The following KALRN variants were observed in gnomAD, a reference collection of about 807,000 sequenced individuals.
The protein encoded by KALRN is kalirin RhoGEF kinase.
A neutral mutation model predicts 353.7 loss-of-function variants in KALRN; 70 were observed. The ratio of observed to expected loss-of-function variants is 0.20; its 90% CI spans 0.16 to 0.24. The LOEUF is 0.24. Among genes scored for constraint, KALRN ranks in the 10% least tolerant of loss-of-function variants. KALRN has a pLI of 1.00. For missense variants in KALRN, 2,791 were observed against 3,756.7 expected (o/e 0.74, Z 6.72); for synonymous variants, 1,391 against 1,434.8 (o/e 0.97, Z 0.69).
At chr3:124,513,430 C>T (rs2066170757) in intron 33 of KALRN, among the ~76,000 whole-genome samples, 1 of 152,050 alleles carries the variant, frequency 6.6e-6, no homozygotes, top group Non-Finnish European at 1.5e-5. Flanking sequence ...GGACCCAGGT[C>T]AGGAGGACAC....
chr3:124,048,352 A>ATG (rs1265032433), intron 1 of KALRN, among the ~76,000 whole-genome samples: 1 of 152,240 alleles, frequency 6.6e-6, no homozygotes. Context: ...TGTTGCATAT[A>ATG]CATCTTTATA....
chr3:124,049,302 G>C (rs965008347), intron 1 of KALRN, among the ~76,000 whole-genome samples: 1 of 152,150 alleles, frequency 6.6e-6, no homozygotes, highest in African/African-American at 2.4e-5. Context: ...CTCCAAGGAT[G>C]TCATTCGGGA....
chr3:124,116,676 G>A (rs1425566348), intron 1 of KALRN, among the ~76,000 whole-genome samples: 1 of 152,092 alleles, frequency 6.6e-6, no homozygotes, highest in African/African-American at 2.4e-5. Context: ...AATATACTAT[G>A]TTTTTTCCCT....
chr3:124,549,197 G>A (rs2109501598), intron 33 of KALRN, among the ~76,000 whole-genome samples: 1 of 69,034 alleles, frequency 1.4e-5, no homozygotes, highest in South Asian at 4.1e-4. Flanking sequence ...CCATGATGTA[G>A]TCTATAAGCT....
chr3:124,129,203 C>T (rs535618985), intron 1 of KALRN, among the ~76,000 whole-genome samples: 2 of 152,226 alleles, frequency 1.3e-5, no homozygotes, highest in East Asian at 1.9e-4. Flanking sequence ...GAACGGTGCC[C>T]CAGCATCATG....
chr3:124,112,032 G>A (rs894157337), intron 1 of KALRN, among the ~76,000 whole-genome samples: 7 of 152,050 alleles, frequency 4.6e-5, no homozygotes, highest in Admixed American at 6.6e-5. Flanking sequence ...GGCCGGGCAC[G>A]GTGGCACATG....
At chr3:124,301,224 T>A (rs2077240092) in intron 6 of KALRN, among the ~76,000 whole-genome samples, 1 of 152,266 alleles carries the variant, frequency 6.6e-6, no homozygotes, top group Non-Finnish European at 1.5e-5. Context: ...TGCTCTTCTC[T>A]GCTAGTGTGG....
chr3:124,181,476 T>G (rs1263816947), intron 1 of KALRN, among the ~76,000 whole-genome samples: 1 of 152,088 alleles, frequency 6.6e-6, no homozygotes, highest in Non-Finnish European at 1.5e-5. Context: ...AGGTGAGGTT[T>G]TGGGGTGCTT....
intron 34 of KALRN, among the ~76,000 whole-genome samples, chr3:124,607,295 A>C (rs1286082812): frequency 8.2e-6 from 1 of 122,142 alleles, no homozygotes; most frequent in Non-Finnish European, 1.7e-5. Flanking sequence ...ATACAGAACC[A>C]TTCAACGACA....
chr3:124,360,106 G>A (rs1441162082), intron 10 of KALRN, among the ~76,000 whole-genome samples: 1 of 152,264 alleles, frequency 6.6e-6, no homozygotes, highest in Admixed American at 6.5e-5. Context: ...GGTGTTCAGC[G>A]ACCCAAGGTG....
At chr3:124,399,007 C>A in intron 13 of KALRN, 136 bp downstream of exon 13, 1 of 832,588 alleles carries the variant, frequency 1.2e-6, no homozygotes, top group Non-Finnish European at 1.8e-6. Flanking sequence ...AAGAAATTCC[C>A]AGTCCACCAT....
At chr3:124,293,855 TAGCTGGAAGGG>T (rs2076618363) in intron 5 of KALRN, among the ~76,000 whole-genome samples, 1 of 152,212 alleles carries the variant, frequency 6.6e-6, no homozygotes, top group Non-Finnish European at 1.5e-5. Context: ...TAAAATGTCC[TAGCTGGAAGGG>T]AGCTTAGAAA....
At position 124,240,602 on chromosome 3, in the gene KALRN, C is replaced by A. The variant is rs532102050; in HGVS notation, c.263+5659C>A. Among the ~76,000 whole-genome samples, 5 of 152,272 alleles carry A rather than the reference C, an allele frequency of 3.3e-5. No individual in the cohort carries two copies. In the South Asian group the frequency reaches 1.0e-3, roughly 32 times the overall value. ...GGGGAATTGGTACCTTGACCCCACT[C>A]TCTTCCCATTCTCTCATCTCCTGTC... On this transcript the variant is annotated intron_variant, in intron 3 of 59. Coordinates refer to ENST00000682506, the MANE Select transcript of KALRN (RefSeq NM_001388419.1).
At chr3:124,697,813 A>G in intron 55 of KALRN, 89 bp downstream of exon 55, 3 of 1,274,388 alleles carry the variant, frequency 2.4e-6, no homozygotes, top group Non-Finnish European at 3.1e-6. Flanking sequence ...AATAAAATTT[A>G]CCATGCTAAC....
intron 33 of KALRN, 130 bp from the exon 34 acceptor site, chr3:124,562,713 A>T: frequency 1.2e-6 from 1 of 800,782 alleles, no homozygotes; most frequent in Admixed American, 3.6e-5. Context: ...TTTCCTCTTT[A>T]TTCCCCTTCT....
intron 5 of KALRN, among the ~76,000 whole-genome samples, chr3:124,273,702 A>G (rs1376215235): frequency 2.0e-5 from 3 of 152,228 alleles, no homozygotes; most frequent in Non-Finnish European, 4.4e-5. Context: ...AAGAGGGAAC[A>G]CTGCTGCTCA....
chr3:124,370,075 C>T (rs1164591133), intron 10 of KALRN, among the ~76,000 whole-genome samples: 2 of 152,072 alleles, frequency 1.3e-5, no homozygotes, highest in Admixed American at 6.6e-5. Context: ...AATATATAAA[C>T]GTTATTTGTC....
intron 1 of KALRN, among the ~76,000 whole-genome samples, chr3:124,067,306 C>T (rs994723370): frequency 1.7e-4 from 26 of 151,782 alleles, no homozygotes; most frequent in African/African-American, 5.1e-4. Flanking sequence ...TTCCCTACCC[C>T]ACCCCACCCC....
At chr3:124,657,632 G>A in intron 40 of KALRN, 81 bp downstream of exon 40, 1 of 1,373,426 alleles carries the variant, frequency 7.3e-7, no homozygotes, top group East Asian at 2.3e-5. Context: ...GACTCAAGGA[G>A]TAGGGCTTAG....
Sources: allele counts gnomAD v4.1 joint callset (sites outside exome capture counted in the v4.1 genomes callset), GRCh38; gene constraint gnomAD v4.1.1; transcripts MANE v1.5; gene names NCBI Gene and HGNC (gene_info 2026-07-23, HGNC 2026-07-21).